The following RYR2 variants were observed in gnomAD, a reference collection of about 807,000 sequenced individuals.
RYR2 encodes the protein ryanodine receptor 2, also known as cardiac muscle ryanodine receptor-calcium release channel.
RYR2 carries 227 observed loss-of-function variants against 601.1 expected under a neutral mutation model. The observed-to-expected ratio is 0.38, with a 90% CI of 0.34 to 0.42. The LOEUF (loss-of-function observed/expected upper bound fraction) is 0.42, where lower values mean the gene tolerates loss of function less well. Among genes scored for constraint, RYR2 ranks in the 10% least tolerant of loss-of-function variants. The pLI is 1.00. For missense variants in RYR2, 4,646 were observed against 6,156.5 expected (o/e 0.75, Z 8.21); for synonymous variants, 2,223 against 2,175.1 (o/e 1.02, Z -0.61).
At chr1:237,161,945 T>C (rs1360193637) in intron 1 of RYR2, among the ~76,000 whole-genome samples, 9 of 152,228 alleles carry the variant, frequency 5.9e-5, no homozygotes, top group Non-Finnish European at 1.0e-4. Flanking sequence ...GTAGTGAACA[T>C]TTGTTGAGCA....
intron 2 of RYR2, among the ~76,000 whole-genome samples, chr1:237,281,427 A>T (rs1377769399): frequency 8.6e-6 from 1 of 115,632 alleles, no homozygotes; most frequent in African/African-American, 5.3e-5. Flanking sequence ...AACTTAGGAA[A>T]ACACTGATGT....
chr1:237,251,746 T>A (rs541324940), intron 1 of RYR2, among the ~76,000 whole-genome samples: 1 of 152,314 alleles, frequency 6.6e-6, no homozygotes, highest in East Asian at 1.9e-4. Flanking sequence ...CATATCCAAC[T>A]GCCAACTTGA....
intron 63 of RYR2, among the ~76,000 whole-genome samples, chr1:237,697,150 T>A (rs1687526976): frequency 6.6e-6 from 1 of 151,166 alleles, no homozygotes; most frequent in Non-Finnish European, 1.5e-5. Context: ...AACACCAGGT[T>A]CATTTTTTGC....
chr1:237,536,877 C>G (rs150447586), intron 25 of RYR2, among the ~76,000 whole-genome samples: 1 of 148,974 alleles, frequency 6.7e-6, no homozygotes, highest in Non-Finnish European at 1.5e-5. Flanking sequence ...CAGAGCGAGA[C>G]TCCATCTCAA....
rs1347991904 is a variant in RYR2, at chr1:237,648,532, G to C, written c.7431G>C (p.Gly2477=). ...TTTTATTCCTTGACAGGGTCTATGG[G>C]ATTGAGGTTCAAGACTTCCTCCTCC... The part of the protein sequence containing the change: ...AMVLFLDRVY[G]IEVQDFLLHL... Residue 2477 remains glycine (G), a synonymous_variant, in exon 49 of 105, where the codon GGG becomes GGC. Coordinates refer to ENST00000366574, the MANE Select transcript of RYR2 (RefSeq NM_001035.3). 1.2e-6 allele frequency: 2 copies of C among 1,611,568 alleles called. No individual in the cohort carries two copies. Among genetic ancestry groups the C allele is most frequent in the East Asian group, 2.2e-5 (1 of 44,854 alleles).
At chr1:237,667,451 G>A (rs1380922122) in intron 57 of RYR2, among the ~76,000 whole-genome samples, 2 of 152,088 alleles carry the variant, frequency 1.3e-5, no homozygotes, top group Non-Finnish European at 2.9e-5. Context: ...GCTAGTCTAA[G>A]GTCTCTCACC....
chr1:237,275,491 AT>A lies in RYR2; in HGVS notation c.168+4885del, dbSNP rs60944575. The stretch of plus-strand genomic sequence containing the variant: ...CTAAAAAACTTTGAGACAAAGAAGG[AT>A]TTTTTTTTTATCATGCCAAAGGGTA... On this transcript the variant is annotated intron_variant, in intron 2 of 104. Transcript: ENST00000366574. Among the ~76,000 whole-genome samples, 290 of 150,274 alleles carry A rather than the reference AT, an allele frequency of 1.9e-3. 1 individual carries two copies. The highest frequency in any genetic ancestry group is 6.1e-3 in the African/African-American group (252 of 41,166).
At chr1:237,640,794 TA>T (rs1681384498) in intron 46 of RYR2, 102 bp from the exon 47 acceptor site, 1 of 878,958 alleles carries the variant, frequency 1.1e-6, no homozygotes, top group Non-Finnish European at 1.8e-6. Context: ...ATCAGAAAAA[TA>T]ATGTGTTACC....
chr1:237,698,293 TC>T (rs1687672044), intron 63 of RYR2, among the ~76,000 whole-genome samples: 1 of 152,152 alleles, frequency 6.6e-6, no homozygotes, highest in Non-Finnish European at 1.5e-5. Flanking sequence ...TTTCTGTACT[TC>T]CTTGTAAAAT....
intron 17 of RYR2, among the ~76,000 whole-genome samples, chr1:237,490,332 T>G (rs2150406036): frequency 6.6e-6 from 1 of 152,244 alleles, no homozygotes; most frequent in East Asian, 1.9e-4. Flanking sequence ...GAATCGAAAA[T>G]AAAAGTTGAA....
At chr1:237,695,796 T>C (rs544938101) in intron 63 of RYR2, among the ~76,000 whole-genome samples, 1 of 152,348 alleles carries the variant, frequency 6.6e-6, no homozygotes, top group South Asian at 2.1e-4. Flanking sequence ...AGACTCTACT[T>C]TTTCTGCCTT....
intron 1 of RYR2, among the ~76,000 whole-genome samples, chr1:237,143,408 G>A (rs775478440): frequency 1.3e-4 from 20 of 152,130 alleles, no homozygotes; most frequent in Non-Finnish European, 4.4e-5. Flanking sequence ...TCTTTCCAAT[G>A]TAGACCCTGT....
At chr1:237,210,160 T>C (rs1279347202) in intron 1 of RYR2, among the ~76,000 whole-genome samples, 4 of 152,230 alleles carry the variant, frequency 2.6e-5, no homozygotes, top group Non-Finnish European at 4.4e-5. Flanking sequence ...CCTGCTCATG[T>C]AATAAATGTA....
intron 34 of RYR2, among the ~76,000 whole-genome samples, chr1:237,597,124 G>T (rs1336686987): frequency 1.3e-5 from 2 of 152,226 alleles, no homozygotes; most frequent in East Asian, 3.9e-4. Context: ...TACTGAAATG[G>T]TGCTATGCCA....
intron 16 of RYR2, among the ~76,000 whole-genome samples, chr1:237,461,512 G>T (rs575286387): frequency 6.6e-6 from 1 of 152,000 alleles, no homozygotes; most frequent in Admixed American, 6.6e-5. Flanking sequence ...TTTAATTCTT[G>T]GTCCGGTCTG....
At chr1:237,652,985 C>T (rs968859201) in intron 51 of RYR2, among the ~76,000 whole-genome samples, 12 of 151,946 alleles carry the variant, frequency 7.9e-5, no homozygotes, top group African/African-American at 1.9e-4. Context: ...TTATTTTCTT[C>T]GTTAGATATA....
At chr1:237,213,915 CT>C (rs71180008) in intron 1 of RYR2, among the ~76,000 whole-genome samples, 801 of 65,484 alleles carry the variant, frequency 0.012, 1 homozygote, top group Non-Finnish European at 0.017. Flanking sequence ...TTTTCTTTTT[CT>C]TTTTTTTTTT....
At position 237,106,260 on chromosome 1, in the gene RYR2, G is replaced by A. The variant is rs904507078; in HGVS notation, c.48+63691G>A. Among the ~76,000 whole-genome samples, 1 of 152,200 alleles carries A rather than the reference G, an allele frequency of 6.6e-6. No homozygotes were observed. Among genetic ancestry groups the A allele is most frequent in the African/African-American group, 2.4e-5 (1 of 41,450 alleles). ...GTTCCTGGTAAACAGGGGTGGGCAGGGAGAACAGCTCCCCTGCACCAGCTC... is the reference window on the plus strand; with the variant it reads ...GTTCCTGGTAAACAGGGGTGGGCAGAGAGAACAGCTCCCCTGCACCAGCTC... On this transcript the variant is annotated intron_variant, in intron 1 of 104. Transcript: ENST00000366574. The surrounding 1 kb of genome is among the most constrained non-coding windows in gnomAD (Gnocchi z 4.4).
At chr1:237,044,410 G>A (rs1572430297) in intron 1 of RYR2, among the ~76,000 whole-genome samples, 1 of 152,122 alleles carries the variant, frequency 6.6e-6, no homozygotes, top group African/African-American at 2.4e-5. Context: ...TTATCAGAAT[G>A]CTTAATGGGG....
Sources: gnomAD v4.1 joint callset for allele counts (sites outside exome capture counted in the v4.1 genomes callset) on GRCh38, gnomAD v4.1.1 for gene constraint, Gnocchi (gnomAD v3.1) non-coding constraint, MANE v1.5 for transcripts, NCBI Gene and HGNC (gene_info 2026-07-23, HGNC 2026-07-21) for gene names.